The following LRRTM4 variants were observed in gnomAD, a reference collection of about 807,000 sequenced individuals.
The protein encoded by LRRTM4 is leucine-rich repeat transmembrane neuronal protein 4.
Under a neutral mutation model 47.6 loss-of-function variants are expected in LRRTM4, and 25 were observed. That is an observed-to-expected ratio of 0.53 (90% CI 0.38 to 0.73). The LOEUF (loss-of-function observed/expected upper bound fraction) is 0.73, where lower values mean the gene tolerates loss of function less well. Among genes scored for constraint, LRRTM4 ranks in the 30% least tolerant of loss-of-function variants. LRRTM4 has a pLI of 0.00. For synonymous variants in LRRTM4, 311 were observed against 269.5 expected (o/e 1.15, Z -1.51); for missense variants, 638 against 713.4 (o/e 0.89, Z 1.20).
intron 3 of LRRTM4, among the ~76,000 whole-genome samples, chr2:77,134,784 A>C (rs553321322): frequency 6.6e-6 from 1 of 152,176 alleles, no homozygotes; most frequent in Admixed American, 6.5e-5. Flanking sequence ...GTGCAAAAAA[A>C]GGGGGGATAT....
chr2:76,809,661 G>C (rs1252587044), intron 3 of LRRTM4, among the ~76,000 whole-genome samples: 1 of 152,084 alleles, frequency 6.6e-6, no homozygotes, highest in Admixed American at 6.6e-5. Flanking sequence ...CTTCTGCTTA[G>C]TGTCTGCCAT....
intron 3 of LRRTM4, among the ~76,000 whole-genome samples, chr2:76,775,986 C>G (rs1673965562): frequency 6.6e-6 from 1 of 151,692 alleles, no homozygotes; most frequent in African/African-American, 2.4e-5. Flanking sequence ...CACTTCCCGC[C>G]TATGAGTGAC....
At chr2:76,864,656 A>G (rs1440282708) in intron 3 of LRRTM4, among the ~76,000 whole-genome samples, 1 of 148,116 alleles carries the variant, frequency 6.8e-6, no homozygotes, top group Non-Finnish European at 1.5e-5. Context: ...GTGAAACTCC[A>G]TCCCAAAAAA....
intron 3 of LRRTM4, among the ~76,000 whole-genome samples, chr2:76,998,342 G>T (rs1476399082): frequency 6.6e-6 from 1 of 152,126 alleles, no homozygotes; most frequent in Non-Finnish European, 1.5e-5. Flanking sequence ...AGAGCTGAGG[G>T]ATTTGGATCA....
chr2:77,182,498 C>T (rs1007968413), intron 3 of LRRTM4, among the ~76,000 whole-genome samples: 1 of 151,966 alleles, frequency 6.6e-6, no homozygotes, highest in Non-Finnish European at 1.5e-5. Flanking sequence ...ACACATATAC[C>T]TCTGTAACAA....
intron 3 of LRRTM4, among the ~76,000 whole-genome samples, chr2:76,780,319 T>C (rs1032120416): frequency 6.6e-6 from 1 of 152,238 alleles, no homozygotes; most frequent in Non-Finnish European, 1.5e-5. Flanking sequence ...CCTTGCTAGA[T>C]TGGGGAAGTT....
At chr2:76,806,919 A>T (rs1054645678) in intron 3 of LRRTM4, among the ~76,000 whole-genome samples, 1 of 152,166 alleles carries the variant, frequency 6.6e-6, no homozygotes, top group African/African-American at 2.4e-5. Context: ...AATACCAATG[A>T]CTTATAAACT....
At chr2:77,107,975 T>C (rs1045809017) in intron 3 of LRRTM4, among the ~76,000 whole-genome samples, 1 of 152,066 alleles carries the variant, frequency 6.6e-6, no homozygotes, top group Admixed American at 6.6e-5. Context: ...ATGATGAAGT[T>C]TTGCTCAGAA....
intron 3 of LRRTM4, among the ~76,000 whole-genome samples, chr2:77,366,821 C>T: frequency 6.6e-6 from 1 of 151,996 alleles, no homozygotes; most frequent in Middle Eastern, 3.4e-3. Context: ...TCTATCTTCA[C>T]AACATCCTGG....
intron 3 of LRRTM4, among the ~76,000 whole-genome samples, chr2:77,383,809 T>C (rs1673153960): frequency 6.6e-6 from 1 of 152,044 alleles, no homozygotes. Flanking sequence ...CCAGCAGTTC[T>C]TAAAGACCTC....
chr2:77,327,888 A>G (rs571042254), intron 3 of LRRTM4, among the ~76,000 whole-genome samples: 3 of 152,300 alleles, frequency 2.0e-5, no homozygotes, highest in African/African-American at 7.2e-5. Context: ...ACTGAGAAAG[A>G]GGGAAAAGCA....
intron 3 of LRRTM4, among the ~76,000 whole-genome samples, chr2:77,248,006 C>A (rs1263161899): frequency 6.7e-6 from 1 of 150,274 alleles, no homozygotes; most frequent in Non-Finnish European, 1.5e-5. Flanking sequence ...CCTTTGTAAG[C>A]TGGTTATACT....
chr2:77,399,993 A>C (rs433156), intron 3 of LRRTM4, among the ~76,000 whole-genome samples: 58,000 of 151,604 alleles, frequency 0.38, 11,332 homozygotes, highest in East Asian at 0.56. Flanking sequence ...ATGAAATGGC[A>C]GGCTAGCAGT....
intron 3 of LRRTM4, among the ~76,000 whole-genome samples, chr2:76,879,331 C>A (rs1273548296): frequency 3.3e-5 from 5 of 152,144 alleles, no homozygotes; most frequent in African/African-American, 9.7e-5. Context: ...CAGCTGATGA[C>A]TTTAAGTTGC....
intron 3 of LRRTM4, among the ~76,000 whole-genome samples, chr2:77,434,521 G>GTT (rs1261923479): frequency 7.9e-5 from 12 of 151,132 alleles, no homozygotes. Context: ...TCTTAAAAGA[G>GTT]CTGGTGGCAG....
chr2:77,495,739 T>C (rs2104060445), intron 3 of LRRTM4, among the ~76,000 whole-genome samples: 1 of 152,168 alleles, frequency 6.6e-6, no homozygotes, highest in South Asian at 2.1e-4. Flanking sequence ...GATCTGCTTG[T>C]CTGTCTTAAT....
At chr2:76,955,655 T>G (rs546735300) in intron 3 of LRRTM4, among the ~76,000 whole-genome samples, 1 of 151,820 alleles carries the variant, frequency 6.6e-6, no homozygotes, top group Admixed American at 6.6e-5. Flanking sequence ...GGAGTGTAAT[T>G]AGGTCATGAG....
chr2:77,205,241 T>C (rs1468890909), intron 3 of LRRTM4, among the ~76,000 whole-genome samples: 2 of 152,182 alleles, frequency 1.3e-5, no homozygotes, highest in Non-Finnish European at 2.9e-5. Flanking sequence ...TTGTTTTGTT[T>C]TCATGGAGAT....
intron 3 of LRRTM4, among the ~76,000 whole-genome samples, chr2:77,359,317 G>T (rs567031799): frequency 1.3e-5 from 2 of 152,220 alleles, no homozygotes; most frequent in East Asian, 1.9e-4. Flanking sequence ...TTATTCAAAT[G>T]AGATTTTTAT....
Sources: gnomAD v4.1 joint callset for allele counts (sites outside exome capture counted in the v4.1 genomes callset) on GRCh38, gnomAD v4.1.1 for gene constraint, MANE v1.5 for transcripts, NCBI Gene and HGNC (gene_info 2026-07-23, HGNC 2026-07-21) for gene names.